The following NIPSNAP3A variants were observed in gnomAD, a reference collection of about 807,000 sequenced individuals.
NIPSNAP3A encodes nipsnap homolog 3A.
Under a neutral mutation model 32.3 loss-of-function variants are expected in NIPSNAP3A, and 27 were observed. That is an observed-to-expected ratio of 0.84 (90% CI 0.62 to 1.15). NIPSNAP3A has a LOEUF of 1.15. Among genes scored for constraint, NIPSNAP3A ranks in the 50% most tolerant of loss-of-function variants. The pLI, the probability that NIPSNAP3A is intolerant of heterozygous loss-of-function variation, is 0.00. For synonymous variants in NIPSNAP3A, 108 were observed against 107.3 expected (o/e 1.01, Z -0.04); for missense variants, 278 against 297.2 (o/e 0.94, Z 0.48).
In NIPSNAP3A at chr9:104,750,463, A is replaced by G. The variant is rs189031059; in HGVS notation, c.61-493A>G. ...GGAGAATAGGGTCTTGAGGCAGGGA[A>G]CCTAAGGACTTCCTAGAACTAAATC... On this transcript the variant is annotated intron_variant, in intron 1 of 5. Coordinates refer to ENST00000374767, the MANE Select transcript of NIPSNAP3A (RefSeq NM_015469.3). Among the ~76,000 whole-genome samples the G allele has an allele frequency of 2.6e-5, 4 of 152,274 alleles. No individual in the cohort carries two copies. In the East Asian group the frequency reaches 7.7e-4, roughly 29 times the overall value.
At chr9:104,747,935 A>G in intron 1 of NIPSNAP3A, 83 bp downstream of exon 1, 1 of 1,315,390 alleles carries the variant, frequency 7.6e-7, no homozygotes, top group Non-Finnish European at 1.0e-6. Context: ...CGTGCGAGCA[A>G]TGCGCATGCG....
At chr9:104,755,323 T>C (rs1334807177) in intron 4 of NIPSNAP3A, among the ~76,000 whole-genome samples, 1 of 151,606 alleles carries the variant, frequency 6.6e-6, no homozygotes, top group African/African-American at 2.4e-5. Flanking sequence ...CTTTTATTGA[T>C]TTTTTAAAAA....
chr9:104,747,967 A>T, intron 1 of NIPSNAP3A, 115 bp downstream of exon 1: 1 of 1,098,728 alleles, frequency 9.1e-7, no homozygotes, highest in Non-Finnish European at 1.3e-6. Context: ...GCGCGCCCAG[A>T]CCTGGGGCCC....
At position 104,750,956 on chromosome 9, in the gene NIPSNAP3A, A is replaced by T; in HGVS notation, c.61A>T (p.Met21Leu). 1 of 1,608,400 alleles carries T rather than the reference A, an allele frequency of 6.2e-7. No homozygotes were observed. Among genetic ancestry groups the T allele is most frequent in the Admixed American group, 1.7e-5 (1 of 60,016 alleles). Reference protein sequence around the residue: ...ALASRTLAPQMCSSFATGPRQ... With the variant: ...ALASRTLAPQLCSSFATGPRQ... ...TTTACATTTGTCTTATCTTCTTCAG[A>T]TGTGCTCATCTTTTGCTACGGGACC... The change falls in exon 2 of 6, where the codon ATG becomes TTG. Residue 21 changes from methionine (M) to leucine (L), a missense_variant and splice_region_variant. Physicochemically the swap from Met to Leu is conservative, Grantham distance 15 (BLOSUM62 2). Coordinates refer to ENST00000374767, the MANE Select transcript of NIPSNAP3A (RefSeq NM_015469.3).
At chr9:104,759,219 C>T (rs1827943961) in intron 5 of NIPSNAP3A, 43 bp from the exon 6 acceptor site, 2 of 1,613,874 alleles carry the variant, frequency 1.2e-6, no homozygotes, top group Non-Finnish European at 1.7e-6. Flanking sequence ...AAATGTGTTT[C>T]AGTCAGTAAC....
chr9:104,753,517 G>T (rs1827870967), intron 3 of NIPSNAP3A: 1 of 157,472 alleles, frequency 6.4e-6, no homozygotes, highest in Non-Finnish European at 1.4e-5. Flanking sequence ...GGGGGAAACA[G>T]ATTAAGTGAA....
At position 104,747,782 on chromosome 9, in the gene NIPSNAP3A, G is replaced by T; in HGVS notation, c.-11G>T. The T allele has an allele frequency of 6.2e-7, 1 of 1,606,754 alleles. No homozygotes were observed. Among genetic ancestry groups the T allele is most frequent in the Non-Finnish European group, 8.5e-7 (1 of 1,178,050 alleles). ...ACGGCTGGCTGCTTTTCTCAGCGCC[G>T]AAGCCGCGCCATGCTCGTCCTCAGA... On this transcript the variant is annotated 5_prime_UTR_variant, in exon 1 of 6. It introduces an in-frame stop codon into an upstream open reading frame of the 5' UTR. Transcript: ENST00000374767.
Position 104,759,446 on chromosome 9 carries a change from G to C in NIPSNAP3A, c.*108G>C. On this transcript the variant is annotated 3_prime_UTR_variant, in exon 6 of 6. Transcript: ENST00000374767. ...CACTTTTATTTGAAGGAGGTGTTAA[G>C]TTAATTTGCTATGTTTCTTGCATTA... is the stretch of plus-strand genomic sequence containing the variant. 2.9e-6 allele frequency: 3 copies of C among 1,038,690 alleles called. No homozygotes were observed. The South Asian group carries it at 4.1e-5, about 14-fold the overall frequency. The allele number at this position is 1,038,690 out of a possible 1,614,324, so 64.3% of individuals were successfully genotyped here. A position where few individuals can be genotyped will look rare whatever the true frequency, so the allele number is the denominator to read the frequency against.
chr9:104,755,123 C>T (rs773269033), intron 4 of NIPSNAP3A, among the ~76,000 whole-genome samples: 10 of 152,048 alleles, frequency 6.6e-5, no homozygotes, highest in South Asian at 4.2e-4. Context: ...GGCCTGTAAT[C>T]CCAGCTATTC....
intron 2 of NIPSNAP3A, among the ~76,000 whole-genome samples, chr9:104,751,583 C>G (rs150575002): frequency 1.4e-3 from 209 of 152,200 alleles, no homozygotes; most frequent in Non-Finnish European, 2.1e-3. Context: ...CTTTTTGAAG[C>G]TAGGGGGCTG....
Position 104,753,154 on chromosome 9 carries a change from T to A in NIPSNAP3A, c.430+90T>A, listed in dbSNP as rs1387787326. 5.7e-6 allele frequency: 6 copies of A among 1,044,364 alleles called. No homozygotes were observed. In the East Asian group the frequency reaches 1.5e-4, roughly 27 times the overall value. The allele number at this position is 1,044,364 out of a possible 1,614,324, so 64.7% of individuals were successfully genotyped here. On this transcript the variant is annotated intron_variant, in intron 3 of 5. Transcript: ENST00000374767. ...AAACTGAAGTTCCTTTGGAAAAAAA[T>A]AAAATTAATTCTTTGTTTTATATAG...
At position 104,747,929 on chromosome 9, in the gene NIPSNAP3A, C is replaced by G. The variant is rs190564459; in HGVS notation, c.60+77C>G. ...GGGCGGGGAGTGTTCCGGGTACGTG[C>G]GAGCAATGCGCATGCGCTCTCCGCC... On this transcript the variant is annotated intron_variant, in intron 1 of 5. Transcript: ENST00000374767. 1,592 of 1,366,574 alleles carry G rather than the reference C, an allele frequency of 1.2e-3. 17 individuals carry two copies. The African/African-American group carries it at 0.02, about 17-fold the overall frequency. The allele number at this position is 1,366,574 out of a possible 1,614,324, so 84.7% of individuals were successfully genotyped here.
chr9:104,751,187 G>A, intron 2 of NIPSNAP3A, 21 bp downstream of exon 2: 1 of 1,597,218 alleles, frequency 6.3e-7, no homozygotes, highest in Non-Finnish European at 8.6e-7. Flanking sequence ...ATCCAATTTT[G>A]GCTTTCAGTA....
At position 104,752,891 on chromosome 9, in the gene NIPSNAP3A, C is replaced by G; in HGVS notation, c.272-15C>G. ...ATTGAATTTTTTATTTTTCTTAATT[C>G]TTTTCTTCCCACAGATAATTTTGCT... On this transcript the variant is annotated splice_polypyrimidine_tract_variant and intron_variant, in intron 2 of 5. Coordinates refer to ENST00000374767, the MANE Select transcript of NIPSNAP3A (RefSeq NM_015469.3). 6.2e-7 allele frequency: 1 copy of G among 1,607,126 alleles called. No individual in the cohort carries two copies. The highest frequency in any genetic ancestry group is 8.5e-7 in the Non-Finnish European group (1 of 1,173,938).
chr9:104,758,989 A>G (rs1827940670), intron 4 of NIPSNAP3A, 96 bp from the exon 5 acceptor site: 1 of 1,111,034 alleles, frequency 9.0e-7, no homozygotes, highest in Non-Finnish European at 1.2e-6. Flanking sequence ...AAAAAAAAAA[A>G]AAAAAAAGAA....
intron 4 of NIPSNAP3A, 41 bp from the exon 5 acceptor site, chr9:104,759,044 G>A: frequency 5.8e-6 from 9 of 1,556,380 alleles, no homozygotes; most frequent in Non-Finnish European, 7.9e-6. Context: ...TATTTGTTAA[G>A]GCCATATTTT....
intron 4 of NIPSNAP3A, 109 bp downstream of exon 4, chr9:104,754,809 A>AAAC: frequency 1.2e-6 from 1 of 824,368 alleles, no homozygotes. Flanking sequence ...TTTATTGCCA[A>AAAC]ATGTTTAGTT....
chr9:104,757,964 TAA>T (rs979157709), intron 4 of NIPSNAP3A, among the ~76,000 whole-genome samples: 57 of 151,842 alleles, frequency 3.8e-4, no homozygotes, highest in African/African-American at 1.3e-3. Flanking sequence ...ACACCAAATA[TAA>T]AAGAGATACA....
intron 1 of NIPSNAP3A, among the ~76,000 whole-genome samples, chr9:104,748,309 C>A (rs970749527): frequency 6.6e-6 from 1 of 152,166 alleles, no homozygotes; most frequent in African/African-American, 2.4e-5. Flanking sequence ...GTCAACCAGC[C>A]GCTTGCCACG....
Sources: gnomAD v4.1 joint callset for allele counts (sites outside exome capture counted in the v4.1 genomes callset) on GRCh38, gnomAD v4.1.1 for gene constraint, MANE v1.5 for transcripts, NCBI Gene and HGNC (gene_info 2026-07-23, HGNC 2026-07-21) for gene names.